Variants in CADPS observed in about 807,000 individuals in gnomAD.
CADPS encodes calcium dependent secretion activator.
A neutral mutation model predicts 167.3 loss-of-function variants in CADPS; 57 were observed. That is an observed-to-expected ratio of 0.34 (90% CI 0.28 to 0.42). CADPS has a LOEUF of 0.42. Ranked by LOEUF, CADPS falls within the 20% of genes least tolerant of loss-of-function variation. The pLI is 1.00. For missense variants in CADPS, 1,414 were observed against 1,738.1 expected (o/e 0.81, Z 3.32); for synonymous variants, 676 against 635.3 (o/e 1.06, Z -0.96).
chr3:62,439,132 A>G (rs2055776847), intron 27 of CADPS: 1 of 152,176 alleles, frequency 6.6e-6, no homozygotes, highest in South Asian at 2.1e-4. Flanking sequence ...AAATTTCCAC[A>G]GTAGATATAT....
At chr3:62,554,364 G>T (rs377104136) in intron 10 of CADPS, among the ~76,000 whole-genome samples, 18 of 152,160 alleles carry the variant, frequency 1.2e-4, no homozygotes, top group African/African-American at 4.1e-4. Context: ...GGGGAACCAC[G>T]TAGATTGTAG....
At chr3:62,553,912 G>A (rs1303104262) in intron 10 of CADPS, among the ~76,000 whole-genome samples, 3 of 152,170 alleles carry the variant, frequency 2.0e-5, no homozygotes, top group African/African-American at 4.8e-5. Flanking sequence ...CTTGGAGAAC[G>A]AGGGGCACAG....
intron 17 of CADPS, 40 bp downstream of exon 17, chr3:62,512,711 A>G (rs2068101474): frequency 3.9e-6 from 6 of 1,543,820 alleles, no homozygotes; most frequent in Non-Finnish European, 4.4e-6. Flanking sequence ...ATGTAACTCA[A>G]CAGTCCTGAT....
chr3:62,778,360 T>C (rs1401777634), intron 1 of CADPS, among the ~76,000 whole-genome samples: 1 of 152,212 alleles, frequency 6.6e-6, no homozygotes, highest in Non-Finnish European at 1.5e-5. Flanking sequence ...AAGTCTATTT[T>C]TTAGTAACTC....
At chr3:62,806,361 TAAAAA>T (rs11328861) in intron 1 of CADPS, among the ~76,000 whole-genome samples, 5 of 138,026 alleles carry the variant, frequency 3.6e-5, no homozygotes, top group Non-Finnish European at 4.6e-5. Flanking sequence ...CGTCTTTAGT[TAAAAA>T]AAAAAAAAAA....
chr3:62,721,138 A>ATTTTTTTTTTTTTTTT (rs1430413610), intron 3 of CADPS, among the ~76,000 whole-genome samples: 1 of 78,944 alleles, frequency 1.3e-5, no homozygotes, highest in Non-Finnish European at 2.8e-5. Context: ...TTTTTTTAAA[A>ATTTTTTTTTTTTTTTT]AAAAAAAGAA....
In CADPS at chr3:62,753,810, G is replaced by A; in HGVS notation, c.556-37C>T. The A allele has an allele frequency of 6.4e-7, 1 of 1,566,380 alleles. No homozygotes were observed. Among genetic ancestry groups the A allele is most frequent in the Non-Finnish European group, 8.7e-7 (1 of 1,151,580 alleles). On this transcript the variant is annotated intron_variant, in intron 2 of 29. Coordinates refer to ENST00000383710, the MANE Select transcript of CADPS (RefSeq NM_003716.4). The surrounding 1 kb of genome is among the most constrained non-coding windows in gnomAD (Gnocchi z 4.6). ...CAAGGCCAGGAAAGACAGTAGGAGA[G>A]TTTACCACAGAGGTACCAGTTCCCT...
chr3:62,549,005 C>T (rs1447219521), intron 11 of CADPS, among the ~76,000 whole-genome samples: 2 of 152,178 alleles, frequency 1.3e-5, no homozygotes, highest in African/African-American at 4.8e-5. Context: ...ATTAGCATGT[C>T]TTATTTCTAG....
At chr3:62,441,201 CATA>C (rs2056251028) in intron 27 of CADPS, 1 of 152,188 alleles carries the variant, frequency 6.6e-6, no homozygotes, top group Non-Finnish European at 1.5e-5. Context: ...TTTAATATCT[CATA>C]ATGACATTGT....
At chr3:62,428,552 G>A (rs1305514186) in intron 28 of CADPS, among the ~76,000 whole-genome samples, 1 of 152,062 alleles carries the variant, frequency 6.6e-6, no homozygotes, top group Non-Finnish European at 1.5e-5. Flanking sequence ...CTCCTTCAGA[G>A]ACTGGCAAAG....
At chr3:62,502,762 A>G (rs1268944285) in intron 17 of CADPS, among the ~76,000 whole-genome samples, 1 of 152,136 alleles carries the variant, frequency 6.6e-6, no homozygotes, top group African/African-American at 2.4e-5. Flanking sequence ...TGGCCTAGGC[A>G]TGCCTTTGAG....
intron 3 of CADPS, among the ~76,000 whole-genome samples, chr3:62,728,762 T>C (rs778049579): frequency 6.6e-6 from 1 of 151,918 alleles, no homozygotes; most frequent in Non-Finnish European, 1.5e-5. Flanking sequence ...ATATCTGTGT[T>C]TTATTCTCTA....
At position 62,645,055 on chromosome 3, in the gene CADPS, C is replaced by A. The variant is rs140246557; in HGVS notation, c.1325+667G>T. 1.9e-3 allele frequency among the ~76,000 whole-genome samples: 291 copies of A among 152,228 alleles called. 1 individual carries two copies. Among genetic ancestry groups the A allele is most frequent in the Middle Eastern group, 3.4e-3 (1 of 294 alleles). ...AATTAATGTATTATGTAACATACTA[C>A]CTTGCTAATACATTCAGAACTATGA... is the stretch of plus-strand genomic sequence containing the variant. On this transcript the variant is annotated intron_variant, in intron 6 of 29. Coordinates refer to ENST00000383710, the MANE Select transcript of CADPS (RefSeq NM_003716.4).
chr3:62,802,541 A>G (rs1293627154), intron 1 of CADPS, among the ~76,000 whole-genome samples: 15 of 152,122 alleles, frequency 9.9e-5, no homozygotes, highest in Admixed American at 9.8e-4. Context: ...CACCTAAAAC[A>G]TTTTAATTGA....
At chr3:62,845,622 G>A (rs961111047) in intron 1 of CADPS, among the ~76,000 whole-genome samples, 5 of 152,158 alleles carry the variant, frequency 3.3e-5, no homozygotes, top group African/African-American at 1.2e-4. Flanking sequence ...CTGTTGCCCT[G>A]AAGGTTTTGG....
chr3:62,853,959 A>AAAAT (rs750321686), intron 1 of CADPS, among the ~76,000 whole-genome samples: 147 of 152,236 alleles, frequency 9.7e-4, no homozygotes, highest in Middle Eastern at 3.4e-3. Context: ...CTGTCACATT[A>AAAAT]AAATAAATAA....
At chr3:62,839,026 A>C (rs1004081935) in intron 1 of CADPS, among the ~76,000 whole-genome samples, 4 of 152,234 alleles carry the variant, frequency 2.6e-5, no homozygotes, top group Non-Finnish European at 5.9e-5. Context: ...TGTAAAATAA[A>C]CACAGATAAT....
intron 1 of CADPS, among the ~76,000 whole-genome samples, chr3:62,851,124 T>G (rs960492256): frequency 1.6e-5 from 2 of 128,288 alleles, no homozygotes; most frequent in African/African-American, 5.7e-5. Context: ...TTCCATTTGC[T>G]TGGTAGATCT....
chr3:62,422,611 T>A (rs1276541667), intron 28 of CADPS, among the ~76,000 whole-genome samples: 2 of 152,248 alleles, frequency 1.3e-5, no homozygotes, highest in African/African-American at 4.8e-5. Context: ...ACTTTGGTGA[T>A]ACCTGATCTC....
Sources: allele counts gnomAD v4.1 joint callset (sites outside exome capture counted in the v4.1 genomes callset), GRCh38; gene constraint gnomAD v4.1.1; non-coding constraint Gnocchi (gnomAD v3.1); transcripts MANE v1.5; gene names NCBI Gene and HGNC (gene_info 2026-07-23, HGNC 2026-07-21).